Variants in ADARB2 observed in about 807,000 individuals in gnomAD.
The protein encoded by ADARB2 is adenosine deaminase RNA specific B2 (inactive).
In ADARB2, 25 loss-of-function variants were observed where a neutral mutation model predicts 62.2. The ratio of observed to expected loss-of-function variants is 0.40; its 90% confidence interval spans 0.29 to 0.56. ADARB2 has a LOEUF of 0.56. Among genes scored for constraint, ADARB2 ranks in the 20% least tolerant of loss-of-function variants. The pLI is 0.43. For synonymous variants in ADARB2, 572 were observed against 500.8 expected, an observed-to-expected ratio of 1.14 and a Z score of -1.90; for missense variants, 1,071 against 1,077.4, an observed-to-expected ratio of 0.99 and a Z score of 0.08.
chr10:1,478,212 A>T (rs906261798), intron 1 of ADARB2, among the ~76,000 whole-genome samples: 4 of 152,174 alleles, frequency 2.6e-5, no homozygotes, highest in Non-Finnish European at 5.9e-5. Flanking sequence ...GCGTGATGTT[A>T]TTCTCTTTCA....
At chr10:1,446,816 C>A (rs1354365755) in intron 1 of ADARB2, among the ~76,000 whole-genome samples, 1 of 152,168 alleles carries the variant, frequency 6.6e-6, no homozygotes, top group Non-Finnish European at 1.5e-5. Flanking sequence ...TTCTTGTGAA[C>A]ATATTCAACG....
chr10:1,243,316 C>T (rs1269202100), intron 4 of ADARB2, among the ~76,000 whole-genome samples: 1 of 152,248 alleles, frequency 6.6e-6, no homozygotes, highest in Non-Finnish European at 1.5e-5. Flanking sequence ...CACAGAGTTA[C>T]CTGTAAATAC....
At chr10:1,562,498 G>T (rs1258998617) in intron 1 of ADARB2, among the ~76,000 whole-genome samples, 2 of 152,156 alleles carry the variant, frequency 1.3e-5, no homozygotes, top group Non-Finnish European at 2.9e-5. Context: ...AGGTATATGC[G>T]GTGCAGTCAT....
In ADARB2 at chr10:1,458,606, G is replaced by A. The variant is rs74122651; in HGVS notation, c.101-79446C>T. ...TTCCTTCTCCACTTGGGGGTCCACCGCTATGGCTTCCACGGTGCCCTCTGG... is the reference window on the plus strand; with the variant it reads ...TTCCTTCTCCACTTGGGGGTCCACCACTATGGCTTCCACGGTGCCCTCTGG... On this transcript the variant is annotated intron_variant, in intron 1 of 9. Transcript: ENST00000381312. Among the ~76,000 whole-genome samples the A allele has an allele frequency of 4.1e-3, 629 of 152,212 alleles. 3 individuals are homozygous for A. The highest frequency in any genetic ancestry group is 0.014 in the African/African-American group (595 of 41,538).
rs532593458 is a variant in ADARB2, at chr10:1,397,842, G to A, written c.101-18682C>T. ...GCGCAGGCTTCCTGGGTCACCATCA[G>A]CCTCTCCCCTCCCGAGTGGAGGCTT... On this transcript the variant is annotated intron_variant, in intron 1 of 9. Transcript: ENST00000381312. Among the ~76,000 whole-genome samples the A allele has an allele frequency of 6.0e-4, 49 of 81,882 alleles. 1 individual carries two copies. The highest frequency in any genetic ancestry group is 2.2e-3 in the African/African-American group (41 of 18,552). 53.7% of individuals were successfully genotyped at this position (81,882 alleles called of 152,430 possible).
At chr10:1,250,442 C>T (rs1303973481) in intron 4 of ADARB2, among the ~76,000 whole-genome samples, 2 of 152,094 alleles carry the variant, frequency 1.3e-5, no homozygotes, top group Non-Finnish European at 2.9e-5. Flanking sequence ...GGGTTCGTTC[C>T]TGTGAGAGTT....
intron 3 of ADARB2, among the ~76,000 whole-genome samples, chr10:1,359,658 G>C (rs576401215): frequency 6.6e-6 from 1 of 152,154 alleles, no homozygotes; most frequent in Admixed American, 6.5e-5. Flanking sequence ...GCAGGTCTCC[G>C]AGGGCCTTTG....
chr10:1,483,050 TTA>T (rs1416672904), intron 1 of ADARB2, among the ~76,000 whole-genome samples: 15 of 152,332 alleles, frequency 9.8e-5, no homozygotes, highest in African/African-American at 3.4e-4. Context: ...TCCTGTTTAG[TTA>T]CACTAAAAGC....
intron 6 of ADARB2, among the ~76,000 whole-genome samples, chr10:1,226,250 T>G: frequency 6.6e-6 from 1 of 152,270 alleles, no homozygotes; most frequent in Non-Finnish European, 1.5e-5. Flanking sequence ...TGCCTTGATT[T>G]TCAGCTCCAT....
chr10:1,256,933 C>T (rs372081336), intron 4 of ADARB2, among the ~76,000 whole-genome samples: 52 of 152,322 alleles, frequency 3.4e-4, no homozygotes, highest in African/African-American at 1.2e-3. Flanking sequence ...GACAAGGTCT[C>T]CTCACTGGCA....
At position 1,183,132 on chromosome 10, in the gene ADARB2, C is replaced by G; in HGVS notation, c.*61G>C. ...AACCGGCCGACCCGCCACGTCGCCC[C>G]CCAGACACGGTCCCATCCCTCCAGC... On this transcript the variant is annotated 3_prime_UTR_variant, in exon 10 of 10. Coordinates refer to ENST00000381312, the MANE Select transcript of ADARB2 (RefSeq NM_018702.4). 2 of 1,570,258 alleles carry G rather than the reference C, an allele frequency of 1.3e-6. No individual in the cohort carries two copies. Among genetic ancestry groups the G allele is most frequent in the Non-Finnish European group, 1.7e-6 (2 of 1,153,386 alleles).
At chr10:1,277,849 T>C (rs552825664) in intron 3 of ADARB2, among the ~76,000 whole-genome samples, 136 of 152,318 alleles carry the variant, frequency 8.9e-4, no homozygotes, top group Non-Finnish European at 1.7e-3. Flanking sequence ...GATGCAGAAA[T>C]CCTCAATAAA....
intron 1 of ADARB2, among the ~76,000 whole-genome samples, chr10:1,515,368 C>A (rs570147503): frequency 6.6e-6 from 1 of 152,346 alleles, no homozygotes; most frequent in African/African-American, 2.4e-5. Context: ...GAGCACAGCA[C>A]GTCTGTTTCC....
At chr10:1,230,437 A>AG (rs1830793833) in intron 6 of ADARB2, among the ~76,000 whole-genome samples, 1 of 152,186 alleles carries the variant, frequency 6.6e-6, no homozygotes, top group Non-Finnish European at 1.5e-5. Context: ...GGAGCCCCTC[A>AG]CAGCAAAAGC....
chr10:1,714,090 C>T (rs536661377), intron 1 of ADARB2, among the ~76,000 whole-genome samples: 68 of 152,338 alleles, frequency 4.5e-4, no homozygotes, highest in African/African-American at 1.6e-3. Context: ...ACTCTTTGGA[C>T]TGGATTGGTA....
At chr10:1,386,301 C>A (rs1388840713) in intron 1 of ADARB2, among the ~76,000 whole-genome samples, 1 of 151,948 alleles carries the variant, frequency 6.6e-6, no homozygotes, top group Non-Finnish European at 1.5e-5. Flanking sequence ...ATATGGTACA[C>A]TTAAATCCAA....
intron 7 of ADARB2, among the ~76,000 whole-genome samples, chr10:1,205,185 C>T (rs953302526): frequency 3.3e-5 from 5 of 152,220 alleles, no homozygotes; most frequent in African/African-American, 1.2e-4. Context: ...GGGGCTGCCT[C>T]GGCTGGCGCC....
intron 3 of ADARB2, among the ~76,000 whole-genome samples, chr10:1,275,829 C>T (rs1029495324): frequency 6.6e-6 from 1 of 152,106 alleles, no homozygotes; most frequent in Non-Finnish European, 1.5e-5. Context: ...CTACAAAGGA[C>T]ACGAACTCAT....
intron 1 of ADARB2, among the ~76,000 whole-genome samples, chr10:1,720,647 T>C (rs1835079262): frequency 6.6e-6 from 1 of 152,188 alleles, no homozygotes; most frequent in Non-Finnish European, 1.5e-5. Context: ...ATCGGTATTG[T>C]CTCATGGATG....
Sources: gnomAD v4.1 joint callset for allele counts (sites outside exome capture counted in the v4.1 genomes callset) on GRCh38, gnomAD v4.1.1 for gene constraint, MANE v1.5 for transcripts, NCBI Gene and HGNC (gene_info 2026-07-23, HGNC 2026-07-21) for gene names.